Variants in SCP2 observed in about 807,000 individuals in gnomAD.
The protein encoded by SCP2 is sterol carrier protein 2, also known as SCP-2/3-oxoacyl-CoA thiolase.
A neutral mutation model predicts 71.4 loss-of-function variants in SCP2; 48 were observed. The observed-to-expected ratio is 0.67, with a 90% confidence interval of 0.53 to 0.86. The LOEUF (loss-of-function observed/expected upper bound fraction) is 0.86, where lower values mean the gene tolerates loss of function less well. SCP2 is among the 40% of genes least tolerant of loss of function. SCP2 has a pLI of 0.00. For synonymous variants in SCP2, 220 were observed against 218.1 expected (o/e 1.01, Z -0.08); for missense variants, 560 against 655.6 (o/e 0.85, Z 1.59).
At chr1:53,033,769 A>G (rs1387139033) in intron 13 of SCP2, among the ~76,000 whole-genome samples, 1 of 152,178 alleles carries the variant, frequency 6.6e-6, no homozygotes, top group Non-Finnish European at 1.5e-5. Flanking sequence ...AAAAAATTAA[A>G]CATCACCTTA....
intron 1 of SCP2, chr1:52,935,080 C>A (rs1338414843): frequency 1.3e-5 from 2 of 150,976 alleles, no homozygotes; most frequent in Non-Finnish European, 3.0e-5. Context: ...GCCTGGCTAA[C>A]GTGGTGAAAC....
chr1:53,010,535 A>C (rs1171523768), intron 11 of SCP2, among the ~76,000 whole-genome samples: 1 of 152,150 alleles, frequency 6.6e-6, no homozygotes, highest in African/African-American at 2.4e-5. Flanking sequence ...AGGACAGAAA[A>C]CCAAACACCA....
intron 5 of SCP2, among the ~76,000 whole-genome samples, chr1:52,960,553 T>G (rs1656280435): frequency 6.8e-6 from 1 of 147,318 alleles, no homozygotes; most frequent in Admixed American, 6.8e-5. Flanking sequence ...TATATACATG[T>G]GTATATATGT....
rs1171749566 is a variant in SCP2 at position 52,958,976 on chromosome 1, T to C, written c.397-2527T>C. Among the ~76,000 whole-genome samples the C allele has an allele frequency of 3.3e-5, 5 of 152,154 alleles. No homozygotes were observed. In the East Asian group the frequency reaches 7.7e-4, roughly 24 times the overall value. On this transcript the variant is annotated intron_variant, in intron 5 of 15. Coordinates refer to ENST00000371514, the MANE Select transcript of SCP2 (RefSeq NM_002979.5). ...CAGGGCTCAAGTGATCTGCCCACCT[T>C]GGCTTCCCAAAGTTTTGGGATTACA... is the stretch of plus-strand genomic sequence containing the variant.
intron 12 of SCP2, among the ~76,000 whole-genome samples, chr1:53,026,941 C>CTTTT (rs758073714): frequency 1.9e-4 from 25 of 133,988 alleles, no homozygotes; most frequent in East Asian, 6.7e-4. Context: ...AACTGCTGCA[C>CTTTT]TTTTTTTTTT....
At chr1:52,958,232 G>GTT (rs71579952) in intron 5 of SCP2, among the ~76,000 whole-genome samples, 19 of 141,500 alleles carry the variant, frequency 1.3e-4, no homozygotes, top group East Asian at 2.0e-4. Flanking sequence ...TTTTTCACAA[G>GTT]TTTTTTTTTT....
chr1:53,024,697 G>A (rs57093639), intron 12 of SCP2, among the ~76,000 whole-genome samples: 20,684 of 150,976 alleles, frequency 0.14, 1,998 homozygotes, highest in East Asian at 0.32. Context: ...TCAGACTCCC[G>A]AGTAGCTGAG....
chr1:52,935,700 G>A (rs1456413921), intron 1 of SCP2, among the ~76,000 whole-genome samples: 1 of 152,158 alleles, frequency 6.6e-6, no homozygotes, highest in Non-Finnish European at 1.5e-5. Context: ...CAGTTGGGGA[G>A]GCTGAGGTTG....
At chr1:53,047,764 A>G (rs1572240054) in intron 14 of SCP2, 94 bp from the exon 15 acceptor site, 1 of 838,166 alleles carries the variant, frequency 1.2e-6, no homozygotes, top group East Asian at 2.5e-5. Context: ...AGTGCTGGTT[A>G]TAATTCTGTT....
chr1:52,982,196 A>T (rs896248724), intron 10 of SCP2, among the ~76,000 whole-genome samples: 3 of 152,180 alleles, frequency 2.0e-5, no homozygotes, highest in Middle Eastern at 3.4e-3. Flanking sequence ...TACCTACTAA[A>T]TGCCAGTAGC....
chr1:53,003,811 G>C (rs1660467006), intron 11 of SCP2, among the ~76,000 whole-genome samples: 1 of 152,170 alleles, frequency 6.6e-6, no homozygotes, highest in Non-Finnish European at 1.5e-5. Context: ...ACAGGCGTGA[G>C]TCACCACACC....
In SCP2 at chr1:52,954,802, A is replaced by G. The variant is rs1655646923; in HGVS notation, c.394A>G (p.Lys132Glu). The G allele has an allele frequency of 6.2e-7, 1 of 1,612,522 alleles. No homozygotes were observed. Residue 132 changes from lysine (K) to glutamate (E), a missense_variant and splice_region_variant, in exon 5 of 16, where the codon AAA becomes GAA. This residue lies in a region of SCP2 where 513 missense variants were observed against 573.1 expected (regional missense o/e 0.90). Transcript: ENST00000371514. ...GATGAGTAAGGGAAGCCTTGGAATA[A>G]AAGTGAGTGTTATTTTGGCATAGTT... is the stretch of plus-strand genomic sequence containing the variant. Reference protein sequence around the residue: ...EKMSKGSLGIKFSDRTIPTDK... With the variant: ...EKMSKGSLGIEFSDRTIPTDK...
At chr1:53,038,545 C>T (rs1024170714) in intron 13 of SCP2, among the ~76,000 whole-genome samples, 2 of 152,082 alleles carry the variant, frequency 1.3e-5, no homozygotes, top group East Asian at 3.9e-4. Flanking sequence ...GGTGGGACCA[C>T]AGGCATGCAC....
At chr1:53,004,785 T>C (rs1660521604) in intron 11 of SCP2, among the ~76,000 whole-genome samples, 1 of 152,078 alleles carries the variant, frequency 6.6e-6, no homozygotes, top group Non-Finnish European at 1.5e-5. Flanking sequence ...TGTCGGACAG[T>C]GGGTGCAGTC....
rs190251148 is a variant in SCP2 at position 52,934,676 on chromosome 1, G to A, written c.70-7120G>A. ...CCCCCAGGCTGGAGTGCAGTGGTGC[G>A]ATCTTGGCTCACTGCAAGCTCCACC... On this transcript the variant is annotated intron_variant, in intron 1 of 15. Transcript: ENST00000371514. Among the ~76,000 whole-genome samples the A allele has an allele frequency of 5.3e-3, 681 of 127,384 alleles. 3 individuals carry two copies. In the Middle Eastern group the frequency reaches 0.085, roughly 16 times the overall value. The allele number at this position is 127,384 out of a possible 152,430, so 83.6% of individuals were successfully genotyped here.
chr1:52,948,226 T>C (rs1487302549), intron 3 of SCP2, 146 bp downstream of exon 3: 2 of 663,550 alleles, frequency 3.0e-6, no homozygotes, highest in Non-Finnish European at 5.4e-6. Flanking sequence ...AAGAAAAAAA[T>C]CTCAGAATTC....
At chr1:52,947,269 A>AAT (rs55992354) in intron 2 of SCP2, among the ~76,000 whole-genome samples, 17 of 146,338 alleles carry the variant, frequency 1.2e-4, no homozygotes, top group Non-Finnish European at 2.4e-4. Context: ...AAAAAAAAAA[A>AAT]GAATGAAGAG....
chr1:52,994,741 C>A, intron 11 of SCP2: 1 of 714,116 alleles, frequency 1.4e-6, no homozygotes. Flanking sequence ...GGAAATCGTG[C>A]ACATCCAGGC....
chr1:52,951,391 A>C (rs1308346508), intron 4 of SCP2, among the ~76,000 whole-genome samples: 2 of 151,930 alleles, frequency 1.3e-5, no homozygotes, highest in Admixed American at 1.3e-4. Context: ...ACTTGAGCCC[A>C]GGAGTTCAAG....
Sources: gnomAD v4.1 joint callset for allele counts (sites outside exome capture counted in the v4.1 genomes callset) on GRCh38, gnomAD v4.1.1 for gene constraint, gnomAD v4.1.1 regional missense constraint, MANE v1.5 for transcripts, NCBI Gene and HGNC (gene_info 2026-07-23, HGNC 2026-07-21) for gene names.